PTK7: variants seen among roughly 807,000 people sequenced by gnomAD.
The protein encoded by PTK7 is protein tyrosine kinase 7 (inactive).
In PTK7, 39 loss-of-function variants were observed where a neutral mutation model predicts 116.6. That is an observed-to-expected ratio of 0.33 (90% CI 0.26 to 0.44). PTK7 has a LOEUF of 0.44. Among genes scored for constraint, PTK7 ranks in the 20% least tolerant of loss-of-function variants. The pLI, the probability that PTK7 is intolerant of heterozygous loss-of-function variation, is 1.00. For synonymous variants in PTK7, 546 were observed against 563.6 expected (o/e 0.97, Z 0.44); for missense variants, 1,169 against 1,425.6 (o/e 0.82, Z 2.90).
intron 17 of PTK7, among the ~76,000 whole-genome samples, chr6:43,154,373 G>A (rs543674417): frequency 6.6e-6 from 1 of 151,994 alleles, no homozygotes; most frequent in East Asian, 1.9e-4. Context: ...AGCCACATGG[G>A]GATAGTGCCT....
chr6:43,086,325 T>A (rs1442762283), intron 1 of PTK7, among the ~76,000 whole-genome samples: 1 of 152,100 alleles, frequency 6.6e-6, no homozygotes, highest in African/African-American at 2.4e-5. Context: ...AGATTCTGTG[T>A]GGCCAAGGGC....
intron 17 of PTK7, among the ~76,000 whole-genome samples, chr6:43,147,784 C>T (rs977254955): frequency 1.3e-5 from 2 of 152,204 alleles, no homozygotes; most frequent in African/African-American, 4.8e-5. Flanking sequence ...CCACCTGACA[C>T]CACACCCCTA....
At chr6:43,109,537 A>G (rs1176297980) in intron 1 of PTK7, among the ~76,000 whole-genome samples, 1 of 152,126 alleles carries the variant, frequency 6.6e-6, no homozygotes, top group Non-Finnish European at 1.5e-5. Context: ...CATTTTCCAG[A>G]AGGGATTTAT....
intron 12 of PTK7, 44 bp from the exon 13 acceptor site, chr6:43,142,128 C>G: frequency 6.2e-7 from 1 of 1,612,054 alleles, no homozygotes; most frequent in Non-Finnish European, 8.5e-7. Flanking sequence ...CCTGCAGCCC[C>G]CCTCCCTGCG....
intron 1 of PTK7, among the ~76,000 whole-genome samples, chr6:43,097,347 A>G (rs1480441444): frequency 2.0e-5 from 3 of 152,140 alleles, no homozygotes; most frequent in Non-Finnish European, 4.4e-5. Flanking sequence ...AGGGTTTCCT[A>G]TTTTAAACAA....
chr6:43,083,749 A>G (rs1766500307), intron 1 of PTK7, among the ~76,000 whole-genome samples: 1 of 152,228 alleles, frequency 6.6e-6, no homozygotes, highest in Non-Finnish European at 1.5e-5. Flanking sequence ...TCAGGTGACT[A>G]GAACGTCATC....
In PTK7 at chr6:43,142,116, C is replaced by T. The variant is rs1770452541; in HGVS notation, c.1919+35C>T. On this transcript the variant is annotated intron_variant, in intron 12 of 19. Transcript: ENST00000230419. Reference sequence around the variant, plus strand: ...CCTCTCTCCCACACCCGTCCCTCCTCTCCTGCAGCCCCCCTCCCTGCGAGC... The same window carrying T: ...CCTCTCTCCCACACCCGTCCCTCCTTTCCTGCAGCCCCCCTCCCTGCGAGC... 5 of 1,611,790 alleles carry T rather than the reference C, an allele frequency of 3.1e-6. No individual in the cohort carries two copies. The Admixed American group carries it at 5.0e-5, about 16-fold the overall frequency.
Position 43,076,836 on chromosome 6 carries a change from C to A in PTK7, c.79+269C>A. ...CTCCCTGAGTTTTTCTGGTCTGAGCCGAGAGTTTGCTCGAGAACTGCCGAG... is the reference window on the plus strand; with the variant it reads ...CTCCCTGAGTTTTTCTGGTCTGAGCAGAGAGTTTGCTCGAGAACTGCCGAG... On this transcript the variant is annotated intron_variant, in intron 1 of 19. Coordinates refer to ENST00000230419, the MANE Select transcript of PTK7 (RefSeq NM_002821.5). This position sits in a 1 kb window ranked among gnomAD's most constrained non-coding sequence, Gnocchi z 5.7. 7.0e-7 allele frequency: 1 copy of A among 1,435,894 alleles called. No homozygotes were observed. The highest frequency in any genetic ancestry group is 9.2e-7 in the Non-Finnish European group (1 of 1,090,278). 88.9% of individuals were successfully genotyped at this position (1,435,894 alleles called of 1,614,324 possible).
intron 17 of PTK7, among the ~76,000 whole-genome samples, chr6:43,158,599 C>T (rs1273543997): frequency 1.3e-5 from 2 of 152,188 alleles, no homozygotes; most frequent in African/African-American, 2.4e-5. Flanking sequence ...AGCATGGTGT[C>T]AGGCACTTTA....
At position 43,077,356 on chromosome 6, in the gene PTK7, C is replaced by G. The variant is rs1582039579; in HGVS notation, c.79+789C>G. On this transcript the variant is annotated intron_variant, in intron 1 of 19. Coordinates refer to ENST00000230419, the MANE Select transcript of PTK7 (RefSeq NM_002821.5). ...GCTCCTTCCTGGATTTCCATCCTGA[C>G]TGTCCTCACAGAGGAAAGGAAGTAT... Among the ~76,000 whole-genome samples the G allele has an allele frequency of 4.6e-5, 7 of 152,304 alleles. No homozygotes were observed. In the South Asian group the frequency reaches 1.5e-3, roughly 32 times the overall value.
intron 1 of PTK7, among the ~76,000 whole-genome samples, chr6:43,126,824 G>A (rs78121552): frequency 1.3e-5 from 2 of 152,182 alleles, no homozygotes; most frequent in East Asian, 1.9e-4. Context: ...AATGCCGGGA[G>A]GGCAGATTTG....
chr6:43,130,609 C>G lies in PTK7; in HGVS notation c.760C>G (p.Pro254Ala). The change falls in exon 5 of 20, where the codon CCG becomes GCG. Residue 254 changes from proline (P) to alanine (A), a missense_variant. By Grantham distance (27) the Pro-to-Ala change is conservative (BLOSUM62 -1). Around this residue, in one of 3 missense-constraint regions of PTK7, gnomAD observed 487 missense variants for 549.8 expected, o/e 0.89. Coordinates refer to ENST00000230419, the MANE Select transcript of PTK7 (RefSeq NM_002821.5). Reference sequence around the variant, plus strand: ...TTGCCAGTTCTCAGCCCAGCCACCCCCGAGCCTGCAGTGGCTCTTTGAGGA... The same window carrying G: ...TTGCCAGTTCTCAGCCCAGCCACCCGCGAGCCTGCAGTGGCTCTTTGAGGA... ...FHCQFSAQPP[P>A]SLQWLFEDET... 3 of 1,614,192 alleles carry G rather than the reference C, an allele frequency of 1.9e-6. No homozygotes were observed. Among genetic ancestry groups the G allele is most frequent in the Non-Finnish European group, 2.5e-6 (3 of 1,180,046 alleles).
At position 43,093,183 on chromosome 6, in the gene PTK7, C is replaced by CTTTTT. The variant is rs72414606; in HGVS notation, c.79+16635_79+16639dup. On this transcript the variant is annotated intron_variant, in intron 1 of 19. Coordinates refer to ENST00000230419, the MANE Select transcript of PTK7 (RefSeq NM_002821.5). ...AGTGACTCTCTAATGATAGGATCTC[C>CTTTTT]TTTTTTTTTTTTTTTTTTTTTTTGA... is the stretch of plus-strand genomic sequence containing the variant. 4.6e-4 allele frequency among the ~76,000 whole-genome samples: 39 copies of CTTTTT among 84,780 alleles called. 1 individual carries two copies. The highest frequency in any genetic ancestry group is 1.5e-3 in the African/African-American group (29 of 19,668). The allele number at this position is 84,780 out of a possible 152,430, so 55.6% of individuals were successfully genotyped here.
chr6:43,132,189 G>A, intron 6 of PTK7, 25 bp downstream of exon 6: 2 of 1,579,352 alleles, frequency 1.3e-6, no homozygotes, highest in South Asian at 1.1e-5. Context: ...CTGGGGTGCT[G>A]ATGTGGGAGG....
At chr6:43,128,883 C>T in intron 1 of PTK7, 94 bp from the exon 2 acceptor site, 1 of 1,367,946 alleles carries the variant, frequency 7.3e-7, no homozygotes, top group Non-Finnish European at 1.0e-6. Context: ...CTCCTGTGTA[C>T]ACAGCCCCTT....
Position 43,155,836 on chromosome 6 carries a change from G to A in PTK7, c.2722-2981G>A, listed in dbSNP as rs1292119858. Among the ~76,000 whole-genome samples the A allele has an allele frequency of 4.6e-5, 7 of 152,114 alleles. No homozygotes were observed. In the South Asian group the frequency reaches 1.4e-3, roughly 31 times the overall value. Reference sequence around the variant, plus strand: ...ATTCATATTCTAGACTTCGTCTTAGGTATCTTAGAGAAACTCATACATGTG... The same window carrying A: ...ATTCATATTCTAGACTTCGTCTTAGATATCTTAGAGAAACTCATACATGTG... On this transcript the variant is annotated intron_variant, in intron 17 of 19. Coordinates refer to ENST00000230419, the MANE Select transcript of PTK7 (RefSeq NM_002821.5).
intron 17 of PTK7, among the ~76,000 whole-genome samples, chr6:43,151,815 G>A (rs1236934607): frequency 4.2e-5 from 6 of 142,282 alleles, no homozygotes; most frequent in African/African-American, 1.6e-4. Flanking sequence ...GGGATTACAG[G>A]CGTGAGCCAC....
Position 43,129,215 on chromosome 6 carries a change from T to C in PTK7, c.318T>C (p.Asp106=), listed in dbSNP as rs1769497514. Residue 106 remains aspartate (D), a synonymous_variant, in exon 2 of 20, where the codon GAT becomes GAC. Transcript: ENST00000230419. The surrounding 1 kb of genome is among the most constrained non-coding windows in gnomAD (Gnocchi z 4.5). ...SGTFQCVARD[D]VTGEEARSAN... is the part of the protein sequence containing the mutation. The stretch of plus-strand genomic sequence containing the variant: ...CCTTCCAGTGTGTGGCTCGGGATGA[T>C]GTCACTGGAGAAGAAGCCCGCAGTG... 1.9e-6 allele frequency: 3 copies of C among 1,613,978 alleles called. No individual in the cohort carries two copies. Among genetic ancestry groups the C allele is most frequent in the African/African-American group, 2.7e-5 (2 of 74,910 alleles).
At chr6:43,108,702 T>A (rs1467069151) in intron 1 of PTK7, among the ~76,000 whole-genome samples, 1 of 152,208 alleles carries the variant, frequency 6.6e-6, no homozygotes, top group African/African-American at 2.4e-5. Flanking sequence ...GTGCCCAGAC[T>A]TGTTAAACTT....
Sources: gnomAD v4.1 joint callset for allele counts (sites outside exome capture counted in the v4.1 genomes callset) on GRCh38, gnomAD v4.1.1 for gene constraint, gnomAD v4.1.1 regional missense constraint, Gnocchi (gnomAD v3.1) non-coding constraint, MANE v1.5 for transcripts, NCBI Gene and HGNC (gene_info 2026-07-23, HGNC 2026-07-21) for gene names.